The following TNKS variants were observed in gnomAD, a reference collection of about 807,000 sequenced individuals.
The protein encoded by TNKS is tankyrase.
TNKS carries 72 observed loss-of-function variants against 135.8 expected under a neutral mutation model. The ratio of observed to expected loss-of-function variants is 0.53; its 90% CI spans 0.44 to 0.64. The LOEUF (loss-of-function observed/expected upper bound fraction) is 0.64. TNKS is among the 30% of genes least tolerant of loss of function. TNKS has a pLI of 0.00. For synonymous variants in TNKS, 849 were observed against 649.3 expected, an observed-to-expected ratio of 1.31 and a Z score of -4.68; for missense variants, 1,769 against 1,674.0, an observed-to-expected ratio of 1.06 and a Z score of -0.99.
intron 1 of TNKS, among the ~76,000 whole-genome samples, chr8:9,560,230 T>A (rs983653397): frequency 1.3e-5 from 2 of 152,098 alleles, no homozygotes; most frequent in African/African-American, 2.4e-5. Context: ...GTCTTTTTTT[T>A]ATTAAGGCCT....
intron 3 of TNKS, among the ~76,000 whole-genome samples, chr8:9,623,505 T>C (rs916702734): frequency 1.3e-5 from 2 of 151,762 alleles, no homozygotes; most frequent in African/African-American, 4.8e-5. Flanking sequence ...TGCAGTAGCA[T>C]TATGTCTAAA....
intron 1 of TNKS, among the ~76,000 whole-genome samples, chr8:9,561,814 A>G (rs536368839): frequency 5.3e-5 from 8 of 152,224 alleles, no homozygotes; most frequent in African/African-American, 1.9e-4. Context: ...TTACATTCCC[A>G]TCAACGATTT....
At chr8:9,750,431 C>T (rs35341965) in intron 18 of TNKS, among the ~76,000 whole-genome samples, 15,296 of 152,214 alleles carry the variant, frequency 0.1, 1,189 homozygotes, top group Admixed American at 0.23. Context: ...GTTGACAAGG[C>T]AGAATTTGTT....
At chr8:9,752,966 A>G (rs1231312123) in intron 20 of TNKS, among the ~76,000 whole-genome samples, 1 of 131,190 alleles carries the variant, frequency 7.6e-6, no homozygotes, top group Non-Finnish European at 1.6e-5. Context: ...CCCTATCTCG[A>G]AAAAAAAAAA....
intron 3 of TNKS, among the ~76,000 whole-genome samples, chr8:9,662,234 C>G (rs1418379848): frequency 6.6e-6 from 1 of 152,174 alleles, no homozygotes; most frequent in Non-Finnish European, 1.5e-5. Context: ...ACGCAGCCAT[C>G]CCATTACTGG....
In TNKS at chr8:9,614,867, T is replaced by G. The variant is rs188963079; in HGVS notation, c.899-715T>G. Among the ~76,000 whole-genome samples, 20 of 152,320 alleles carry G rather than the reference T, an allele frequency of 1.3e-4. 1 individual carries two copies. In the East Asian group the frequency reaches 3.5e-3, roughly 26 times the overall value. Reference sequence around the variant, plus strand: ...TTACTTAAACAGTGATTTTTTCTTTTGTAGGAACCTCCATATTTAAGAATT... The same window carrying G: ...TTACTTAAACAGTGATTTTTTCTTTGGTAGGAACCTCCATATTTAAGAATT... On this transcript the variant is annotated intron_variant, in intron 2 of 26. Transcript: ENST00000310430.
At chr8:9,704,036 G>T (rs1291646479) in intron 5 of TNKS, among the ~76,000 whole-genome samples, 1 of 152,146 alleles carries the variant, frequency 6.6e-6, no homozygotes, top group East Asian at 1.9e-4. Context: ...TGTGTATGTG[G>T]TACATAAAAT....
intron 25 of TNKS, among the ~76,000 whole-genome samples, chr8:9,767,815 C>A (rs563750078): frequency 6.6e-6 from 1 of 151,812 alleles, no homozygotes; most frequent in Admixed American, 6.6e-5. Flanking sequence ...AAAAATTAGC[C>A]GGGCGTGGTG....
intron 1 of TNKS, among the ~76,000 whole-genome samples, chr8:9,560,652 C>T (rs1212417820): frequency 1.3e-5 from 2 of 151,750 alleles, no homozygotes; most frequent in African/African-American, 2.4e-5. Flanking sequence ...AATTATCTTA[C>T]ACTTCTCGTT....
At chr8:9,747,987 C>G (rs34614689) in intron 17 of TNKS, 37 bp from the exon 18 acceptor site, 11 of 1,560,564 alleles carry the variant, frequency 7.0e-6, no homozygotes, top group Admixed American at 1.8e-5. Context: ...CAGATGATCT[C>G]ATTCTTAACT....
chr8:9,621,307 C>CT (rs61318743), intron 3 of TNKS, among the ~76,000 whole-genome samples: 101,713 of 142,564 alleles, frequency 0.71, 36,414 homozygotes, highest in Middle Eastern at 0.8. Flanking sequence ...CTTATTTTTG[C>CT]TTTTTTTTTT....
Position 9,759,702 on chromosome 8 carries a change from C to T in TNKS, c.3154-1814C>T, listed in dbSNP as rs560643796. Among the ~76,000 whole-genome samples the T allele has an allele frequency of 5.3e-5, 8 of 152,202 alleles. No homozygotes were observed. In the East Asian group the frequency reaches 9.7e-4, roughly 18 times the overall value. ...AGAAAAGTCTGACGAGGGCCAGGCG[C>T]GGTGGCTCACGCCTGTAATCCCAGC... On this transcript the variant is annotated intron_variant, in intron 20 of 26. Transcript: ENST00000310430.
chr8:9,565,057 G>T (rs1008310804), intron 1 of TNKS, among the ~76,000 whole-genome samples: 7 of 151,824 alleles, frequency 4.6e-5, no homozygotes, highest in African/African-American at 1.5e-4. Context: ...GAAAGTTTTA[G>T]GTGTTTTGTT....
At position 9,778,214 on chromosome 8, in the gene TNKS, C is replaced by T. The variant is rs1221419703; in HGVS notation, c.*1478C>T. ...CTTAACTGAATATGAATTGAGTGCACTAACTTATTTACTTGATATACTGTG... is the reference window on the plus strand; with the variant it reads ...CTTAACTGAATATGAATTGAGTGCATTAACTTATTTACTTGATATACTGTG... On this transcript the variant is annotated 3_prime_UTR_variant, in exon 27 of 27. Coordinates refer to ENST00000310430, the MANE Select transcript of TNKS (RefSeq NM_003747.3). 6.6e-6 allele frequency: 1 copy of T among 152,466 alleles called. No homozygotes were observed. Among genetic ancestry groups the T allele is most frequent in the Admixed American group, 6.5e-5 (1 of 15,276 alleles). The allele number at this position is 152,466 out of a possible 1,614,324, so 9.4% of individuals were successfully genotyped here. A position where few individuals can be genotyped will look rare whatever the true frequency, so the allele number is the denominator to read the frequency against.
Position 9,665,428 on chromosome 8 carries a change from G to GT in TNKS, c.995-14517dup, listed in dbSNP as rs1168185376. Among the ~76,000 whole-genome samples the GT allele has an allele frequency of 2.0e-5, 3 of 152,148 alleles. No homozygotes were observed. The East Asian group carries it at 5.8e-4, about 29-fold the overall frequency. On this transcript the variant is annotated intron_variant, in intron 3 of 26. Coordinates refer to ENST00000310430, the MANE Select transcript of TNKS (RefSeq NM_003747.3). The stretch of plus-strand genomic sequence containing the variant: ...TCTGAAAACCAGATTTACTTTTTCT[G>GT]TTTTTTATTCGTATTTCCACTTCTT...
chr8:9,699,849 G>A (rs1803713096), intron 5 of TNKS, among the ~76,000 whole-genome samples: 1 of 152,128 alleles, frequency 6.6e-6, no homozygotes, highest in Non-Finnish European at 1.5e-5. Flanking sequence ...GTAATTTTCT[G>A]CTTCAAGTCT....
intron 3 of TNKS, among the ~76,000 whole-genome samples, chr8:9,662,359 C>T (rs1027555117): frequency 2.6e-5 from 4 of 152,040 alleles, no homozygotes; most frequent in East Asian, 3.9e-4. Flanking sequence ...TGTCCATCAA[C>T]GATAGACTGG....
chr8:9,763,210 C>T lies in TNKS; in HGVS notation c.3338C>T (p.Pro1113Leu). Reference protein sequence around the residue: ...NQGTILLDLAPEDKEYQSVEE... With the variant: ...NQGTILLDLALEDKEYQSVEE... ...GGAACGATTTTGCTGGATCTTGCTC[C>T]AGAAGATAAAGAATATCAGTCAGTG... The change falls in exon 22 of 27, where the codon CCA becomes CTA. Residue 1113 changes from proline (P) to leucine (L), a missense_variant. Around this residue, in one of 5 missense-constraint regions of TNKS, gnomAD observed 722 missense variants for 688.9 expected, o/e 1.05. Transcript: ENST00000310430. 4 of 1,607,602 alleles carry T rather than the reference C, an allele frequency of 2.5e-6. No homozygotes were observed. The highest frequency in any genetic ancestry group is 3.3e-5 in the Admixed American group (2 of 59,776).
chr8:9,661,598 G>C (rs1450457389), intron 3 of TNKS, among the ~76,000 whole-genome samples: 1 of 152,144 alleles, frequency 6.6e-6, no homozygotes, highest in Non-Finnish European at 1.5e-5. Context: ...ATGGATTAAA[G>C]ACTTAAATGT....
Sources: gnomAD v4.1 joint callset for allele counts (sites outside exome capture counted in the v4.1 genomes callset) on GRCh38, gnomAD v4.1.1 for gene constraint, gnomAD v4.1.1 regional missense constraint, MANE v1.5 for transcripts, NCBI Gene and HGNC (gene_info 2026-07-23, HGNC 2026-07-21) for gene names.